INTS14: variants seen among roughly 807,000 people sequenced by gnomAD.
The protein encoded by INTS14 is integrator complex subunit 14, also known as UPF0464 protein C15orf44.
A neutral mutation model predicts 56.9 loss-of-function variants in INTS14; 27 were observed. That is an observed-to-expected ratio of 0.47 (90% CI 0.35 to 0.65). The LOEUF (loss-of-function observed/expected upper bound fraction) is 0.65. Ranked by LOEUF, INTS14 falls within the 30% of genes least tolerant of loss-of-function variation. The probability of loss-of-function intolerance (pLI) is 0.00; values close to 1 mark genes in which losing one functional copy is unlikely to be tolerated. For missense variants in INTS14, 517 were observed against 632.2 expected, an observed-to-expected ratio of 0.82 and a Z score of 1.95; for synonymous variants, 207 against 236.2, an observed-to-expected ratio of 0.88 and a Z score of 1.13.
At chr15:65,586,221 T>C (rs1372476807) in intron 9 of INTS14, among the ~76,000 whole-genome samples, 1 of 152,232 alleles carries the variant, frequency 6.6e-6, no homozygotes, top group Non-Finnish European at 1.5e-5. Context: ...GTTCCAACTA[T>C]GTGCAAGATA....
At chr15:65,597,686 C>A (rs1690186290) in intron 6 of INTS14, among the ~76,000 whole-genome samples, 1 of 152,140 alleles carries the variant, frequency 6.6e-6, no homozygotes, top group South Asian at 2.1e-4. Context: ...GAAGACTTCC[C>A]AGGGTCACAT....
intron 1 of INTS14, among the ~76,000 whole-genome samples, chr15:65,608,537 C>G (rs2073739314): frequency 6.6e-6 from 1 of 152,132 alleles, no homozygotes; most frequent in African/African-American, 2.4e-5. Flanking sequence ...CAGACCTGCT[C>G]ATGGGTATAT....
chr15:65,610,619 A>G (rs2073882627), intron 1 of INTS14: 1 of 1,490,870 alleles, frequency 6.7e-7, no homozygotes, highest in Non-Finnish European at 9.0e-7. Flanking sequence ...TAGCTCATTC[A>G]TAAAGAACTG....
At chr15:65,607,504 T>C in intron 1 of INTS14, 62 bp from the exon 2 acceptor site, 3 of 1,484,272 alleles carry the variant, frequency 2.0e-6, no homozygotes, top group Non-Finnish European at 2.7e-6. Flanking sequence ...TCACCATAAC[T>C]TTAACTAACT....
intron 2 of INTS14, 62 bp downstream of exon 2, chr15:65,607,097 A>C: frequency 6.3e-7 from 1 of 1,576,694 alleles, no homozygotes; most frequent in Admixed American, 1.8e-5. Flanking sequence ...ACGCATTATA[A>C]CACTGTTTTC....
chr15:65,599,479 T>C (rs1218953461), intron 4 of INTS14: 2 of 232,294 alleles, frequency 8.6e-6, no homozygotes, highest in Non-Finnish European at 1.7e-5. Flanking sequence ...GGAATGGACA[T>C]AAGAATTCTA....
chr15:65,601,597 TC>T (rs2073436592), intron 3 of INTS14, among the ~76,000 whole-genome samples: 1 of 152,166 alleles, frequency 6.6e-6, no homozygotes, highest in Non-Finnish European at 1.5e-5. Flanking sequence ...AGCCTCGGCC[TC>T]CCAAAGTGCT....
chr15:65,594,231 C>A (rs1370647666), intron 7 of INTS14, among the ~76,000 whole-genome samples: 3 of 152,226 alleles, frequency 2.0e-5, no homozygotes, highest in Non-Finnish European at 4.4e-5. Flanking sequence ...ACTCTGCTGA[C>A]AGATGAATCT....
chr15:65,600,664 A>C (rs990643396), intron 3 of INTS14, among the ~76,000 whole-genome samples: 48 of 152,128 alleles, frequency 3.2e-4, no homozygotes, highest in East Asian at 3.9e-4. Flanking sequence ...CAAAAAAAAA[A>C]AACAACAAAA....
intron 9 of INTS14, among the ~76,000 whole-genome samples, chr15:65,590,386 G>T (rs1385788261): frequency 6.6e-6 from 1 of 152,124 alleles, no homozygotes; most frequent in Non-Finnish European, 1.5e-5. Context: ...CTCTTCAGTG[G>T]TTTCCCAGTA....
intron 3 of INTS14, among the ~76,000 whole-genome samples, chr15:65,602,436 C>T (rs1433473900): frequency 6.6e-6 from 1 of 151,948 alleles, no homozygotes; most frequent in Non-Finnish European, 1.5e-5. Context: ...AGATGAACGA[C>T]ACCACACTTA....
At chr15:65,593,360 T>C in intron 8 of INTS14, 68 bp downstream of exon 8, 1 of 1,542,262 alleles carries the variant, frequency 6.5e-7, no homozygotes, top group Non-Finnish European at 8.8e-7. Flanking sequence ...CAGAAAAGTC[T>C]GCAAAATACT....
chr15:65,598,676 T>C, intron 5 of INTS14, 196 bp downstream of exon 5: 1 of 707,896 alleles, frequency 1.4e-6, no homozygotes, highest in South Asian at 2.2e-5. Flanking sequence ...TGAGTCATTA[T>C]AAGGAAGTCA....
intron 6 of INTS14, among the ~76,000 whole-genome samples, chr15:65,596,811 G>A (rs994357913): frequency 3.3e-5 from 5 of 152,138 alleles, no homozygotes; most frequent in Admixed American, 3.3e-4. Flanking sequence ...TGATCCGCCC[G>A]CCTTGGCCTC....
Position 65,607,411 on chromosome 15 carries a change from A to C in INTS14, c.-31T>G, listed in dbSNP as rs768263286. 4 of 1,613,176 alleles carry C rather than the reference A, an allele frequency of 2.5e-6. No homozygotes were observed. Among genetic ancestry groups the C allele is most frequent in the South Asian group, 1.1e-5 (1 of 90,904 alleles). ...AAATGATCCCAGTGTTCCCAATCAG[A>C]ATGCAAACAGACAGCTATAAACGAA... On this transcript the variant is annotated 5_prime_UTR_variant, in exon 2 of 12. The change creates a new upstream start codon in the 5' untranslated region. Transcript: ENST00000313182.
chr15:65,585,719 G>A (rs543228015), intron 9 of INTS14, among the ~76,000 whole-genome samples: 1 of 152,122 alleles, frequency 6.6e-6, no homozygotes, highest in African/African-American at 2.4e-5. Context: ...CAGAGCAGGA[G>A]TCATTTTCCT....
At position 65,579,673 on chromosome 15, in the gene INTS14, G is replaced by C; in HGVS notation, c.1306-14C>G. On this transcript the variant is annotated splice_polypyrimidine_tract_variant and intron_variant, in intron 11 of 11. Transcript: ENST00000313182. ...ACGGTTCAGCTCCTGAAACAAGACAGAAAATCACCAATGCTCCTGAAATGT... is the reference window on the plus strand; with the variant it reads ...ACGGTTCAGCTCCTGAAACAAGACACAAAATCACCAATGCTCCTGAAATGT... 2 of 1,607,236 alleles carry C rather than the reference G, an allele frequency of 1.2e-6. No individual in the cohort carries two copies. Among genetic ancestry groups the C allele is most frequent in the Non-Finnish European group, 1.7e-6 (2 of 1,174,560 alleles).
chr15:65,611,086 C>G lies in INTS14; in HGVS notation c.-63+12G>C. 6.5e-7 allele frequency: 1 copy of G among 1,535,748 alleles called. No individual in the cohort carries two copies. Among genetic ancestry groups the G allele is most frequent in the Non-Finnish European group, 8.7e-7 (1 of 1,146,624 alleles). Reference sequence around the variant, plus strand: ...CGAAAGGCAGTCCCGGGCCCTCGGCCTCCCCACTCACCCCGTGCCCATCGC... The same window carrying G: ...CGAAAGGCAGTCCCGGGCCCTCGGCGTCCCCACTCACCCCGTGCCCATCGC... On this transcript the variant is annotated intron_variant, in intron 1 of 11. Coordinates refer to ENST00000313182, the MANE Select transcript of INTS14 (RefSeq NM_001394796.1).
At position 65,603,791 on chromosome 15, in the gene INTS14, C is replaced by T. The variant is rs546850314; in HGVS notation, c.330+1338G>A. Among the ~76,000 whole-genome samples, 5 of 152,292 alleles carry T rather than the reference C, an allele frequency of 3.3e-5. No homozygotes were observed. In the South Asian group the frequency reaches 8.3e-4, roughly 25 times the overall value. On this transcript the variant is annotated intron_variant, in intron 3 of 11. Transcript: ENST00000313182. The stretch of plus-strand genomic sequence containing the variant: ...AATAAAGTTTTATTTAAACACAGCC[C>T]TACCCATTCATTTACTTATTATCTA...
Sources: gnomAD v4.1 joint callset for allele counts (sites outside exome capture counted in the v4.1 genomes callset) on GRCh38, gnomAD v4.1.1 for gene constraint, MANE v1.5 for transcripts, NCBI Gene and HGNC (gene_info 2026-07-23, HGNC 2026-07-21) for gene names.